The following LINGO2 variants were observed in gnomAD, a reference collection of about 807,000 sequenced individuals.
LINGO2 encodes leucine rich repeat and Ig domain containing 2, also known as leucine-rich repeat and immunoglobulin-like domain-containing nogo receptor-interacting protein 2.
Under a neutral mutation model 30.6 loss-of-function variants are expected in LINGO2, and 14 were observed. The ratio of observed to expected loss-of-function variants is 0.46; its 90% confidence interval spans 0.30 to 0.72. The LOEUF (loss-of-function observed/expected upper bound fraction) is 0.72. Ranked by LOEUF, LINGO2 falls within the 30% of genes least tolerant of loss-of-function variation. The probability of loss-of-function intolerance (pLI) is 0.07; values close to 1 mark genes in which losing one functional copy is unlikely to be tolerated. For synonymous variants in LINGO2, 317 were observed against 288.5 expected, an observed-to-expected ratio of 1.10 and a Z score of -1.00; for missense variants, 729 against 751.7, an observed-to-expected ratio of 0.97 and a Z score of 0.35.
At chr9:28,042,149 C>T (rs751389266) in intron 4 of LINGO2, among the ~76,000 whole-genome samples, 10 of 152,092 alleles carry the variant, frequency 6.6e-5, no homozygotes, top group African/African-American at 1.4e-4. Flanking sequence ...ATGTTAGTTC[C>T]GATGAGTCAG....
At chr9:28,837,951 A>G in the LINGO2 span, among the ~76,000 whole-genome samples, 1 of 152,026 alleles carries the variant, frequency 6.6e-6, no homozygotes, top group Admixed American at 6.6e-5. Context: ...GCAATTCATC[A>G]TTAACAAAAG....
chr9:28,003,378 GAT>G (rs1563901883), intron 5 of LINGO2, among the ~76,000 whole-genome samples: 72 of 139,660 alleles, frequency 5.2e-4, no homozygotes, highest in South Asian at 2.1e-3. Flanking sequence ...TAGATAGATA[GAT>G]AGATATAGAG....
the LINGO2 span, among the ~76,000 whole-genome samples, chr9:29,175,066 C>T: frequency 6.6e-6 from 1 of 152,124 alleles, no homozygotes; most frequent in Non-Finnish European, 1.5e-5. Context: ...AGAGACCATC[C>T]TGACCAACAT....
chr9:29,084,459 T>A, the LINGO2 span, among the ~76,000 whole-genome samples: 82 of 152,076 alleles, frequency 5.4e-4, 1 homozygote, highest in Admixed American at 5.3e-3. Context: ...AGTTTTAACC[T>A]CCAACCTTTT....
intron 1 of LINGO2, among the ~76,000 whole-genome samples, chr9:28,584,599 C>T (rs1025700751): frequency 7.2e-5 from 11 of 151,912 alleles, no homozygotes; most frequent in Non-Finnish European, 1.5e-4. Flanking sequence ...TACTTATAAA[C>T]AGGAAAAGAA....
intron 1 of LINGO2, among the ~76,000 whole-genome samples, chr9:28,633,122 T>C (rs141028343): frequency 6.6e-6 from 1 of 152,028 alleles, no homozygotes; most frequent in Admixed American, 6.6e-5. Flanking sequence ...CATGTTTTTC[T>C]GCCTGCTTTT....
At chr9:28,937,114 T>C in the LINGO2 span, among the ~76,000 whole-genome samples, 2 of 152,162 alleles carry the variant, frequency 1.3e-5, no homozygotes, top group Non-Finnish European at 2.9e-5. Context: ...CACTAGACCT[T>C]CAACATATGG....
chr9:28,752,566 T>C, the LINGO2 span, among the ~76,000 whole-genome samples: 3 of 152,188 alleles, frequency 2.0e-5, no homozygotes, highest in Non-Finnish European at 2.9e-5. Flanking sequence ...CTCTGTGAAA[T>C]ACTCTGTGTG....
At chr9:28,439,038 A>G (rs1824080110) in intron 2 of LINGO2, among the ~76,000 whole-genome samples, 1 of 147,662 alleles carries the variant, frequency 6.8e-6, no homozygotes, top group African/African-American at 2.5e-5. Context: ...TACATTATAT[A>G]TGAAATACAG....
At chr9:29,132,299 G>A in the LINGO2 span, among the ~76,000 whole-genome samples, 1 of 152,010 alleles carries the variant, frequency 6.6e-6, no homozygotes, top group Non-Finnish European at 1.5e-5. Context: ...GAATCAAAAG[G>A]AAAACTCCAA....
the LINGO2 span, among the ~76,000 whole-genome samples, chr9:29,031,003 C>G: frequency 6.6e-6 from 1 of 152,088 alleles, no homozygotes; most frequent in East Asian, 1.9e-4. Context: ...TTCTTATTTC[C>G]AGTGGCATGA....
At position 28,291,489 on chromosome 9, in the gene LINGO2, C is replaced by T. The variant is rs533838030; in HGVS notation, c.-87+3719G>A. Among the ~76,000 whole-genome samples the T allele has an allele frequency of 3.4e-4, 52 of 152,056 alleles. 1 individual carries two copies. The South Asian group carries it at 1.0e-2, about 29-fold the overall frequency. ...AACAAAATGGATAAAATGCTCTGCC[C>T]GTATGGAAGTTATAGTCTAATAGCT... is the stretch of plus-strand genomic sequence containing the variant. On this transcript the variant is annotated intron_variant, in intron 4 of 5. Coordinates refer to ENST00000379992, the Ensembl canonical transcript of LINGO2.
intron 1 of LINGO2, among the ~76,000 whole-genome samples, chr9:28,480,027 T>C (rs1825897408): frequency 6.7e-6 from 1 of 148,990 alleles, no homozygotes; most frequent in Non-Finnish European, 1.5e-5. Flanking sequence ...TAAATTGCTA[T>C]TATTTGTTTT....
chr9:28,925,404 C>CA, the LINGO2 span, among the ~76,000 whole-genome samples: 1 of 152,202 alleles, frequency 6.6e-6, no homozygotes, highest in Non-Finnish European at 1.5e-5. Flanking sequence ...GTCAGCCACA[C>CA]AGTCAGTCTA....
At chr9:28,714,192 C>CAT in the LINGO2 span, among the ~76,000 whole-genome samples, 8 of 82,016 alleles carry the variant, frequency 9.8e-5, no homozygotes, top group African/African-American at 5.3e-4. Context: ...TATATATACA[C>CAT]ACATACACAC....
At chr9:28,831,463 A>G in the LINGO2 span, among the ~76,000 whole-genome samples, 81 of 152,254 alleles carry the variant, frequency 5.3e-4, no homozygotes, top group African/African-American at 1.7e-3. Context: ...TTTAGAAGAC[A>G]CCGAGTAATT....
chr9:29,144,536 G>A, the LINGO2 span, among the ~76,000 whole-genome samples: 1 of 152,112 alleles, frequency 6.6e-6, no homozygotes, highest in Non-Finnish European at 1.5e-5. Context: ...AACCAGTTGA[G>A]TAACAGCCTG....
chr9:28,313,533 G>T (rs549672135), intron 3 of LINGO2, among the ~76,000 whole-genome samples: 3 of 152,160 alleles, frequency 2.0e-5, no homozygotes, highest in Non-Finnish European at 4.4e-5. Context: ...GAAGTTCCAT[G>T]TGTAAAGATC....
At chr9:28,417,016 T>G (rs1034238776) in intron 2 of LINGO2, among the ~76,000 whole-genome samples, 1 of 152,200 alleles carries the variant, frequency 6.6e-6, no homozygotes, top group South Asian at 2.1e-4. Flanking sequence ...ATCAAGTACA[T>G]AAGTATGTAG....
Sources: gnomAD v4.1 joint callset for allele counts (sites outside exome capture counted in the v4.1 genomes callset) on GRCh38, gnomAD v4.1.1 for gene constraint, MANE v1.5 for transcripts, NCBI Gene and HGNC (gene_info 2026-07-23, HGNC 2026-07-21) for gene names.